ZC2HC1A: variants seen among roughly 807,000 people sequenced by gnomAD.
ZC2HC1A encodes zinc finger C2HC-type containing 1A, also known as zinc finger C2HC domain-containing protein 1A.
A neutral mutation model predicts 40.7 loss-of-function variants in ZC2HC1A; 28 were observed. The ratio of observed to expected loss-of-function variants is 0.69; its 90% CI spans 0.51 to 0.94. The LOEUF (loss-of-function observed/expected upper bound fraction) is 0.94, where lower values mean the gene tolerates loss of function less well. Among genes scored for constraint, ZC2HC1A ranks in the 40% least tolerant of loss-of-function variants. ZC2HC1A has a pLI of 0.00. For missense variants in ZC2HC1A, 389 were observed against 386.3 expected, an observed-to-expected ratio of 1.01 and a Z score of -0.06; for synonymous variants, 129 against 129.2, an observed-to-expected ratio of 1.00 and a Z score of 0.01.
At chr8:78,676,815 C>CA (rs954471923) in intron 2 of ZC2HC1A, among the ~76,000 whole-genome samples, 45 of 149,972 alleles carry the variant, frequency 3.0e-4, no homozygotes, top group African/African-American at 8.1e-4. Context: ...AATTTCACAG[C>CA]AAAAAAAAAG....
chr8:78,687,849 TTATA>T (rs919187168), intron 4 of ZC2HC1A, among the ~76,000 whole-genome samples: 2 of 88,018 alleles, frequency 2.3e-5, no homozygotes, highest in African/African-American at 5.9e-5. Context: ...ATATATATAT[TTATA>T]TAATATATAT....
chr8:78,716,154 G>A (rs1811094481), intron 8 of ZC2HC1A, among the ~76,000 whole-genome samples: 2 of 149,252 alleles, frequency 1.3e-5, no homozygotes, highest in Admixed American at 6.7e-5. Flanking sequence ...ACGGAGTCTC[G>A]CTCTGTCGCT....
intron 6 of ZC2HC1A, among the ~76,000 whole-genome samples, chr8:78,698,074 T>G (rs567619719): frequency 4.6e-5 from 7 of 152,222 alleles, no homozygotes; most frequent in Non-Finnish European, 8.8e-5. Context: ...CTTCCTTGAT[T>G]CTTTGATCCA....
At chr8:78,685,283 C>A (rs1294440507) in intron 3 of ZC2HC1A, among the ~76,000 whole-genome samples, 2 of 151,988 alleles carry the variant, frequency 1.3e-5, no homozygotes, top group Non-Finnish European at 2.9e-5. Flanking sequence ...AAATTTGATT[C>A]AATTTGTCAC....
rs1441322642 is a variant in ZC2HC1A at position 78,689,487 on chromosome 8, GATAT to G, written c.504+118_504+121del. 6 of 953,878 alleles carry G rather than the reference GATAT, an allele frequency of 6.3e-6. No homozygotes were observed. The Admixed American group carries it at 2.2e-4, about 34-fold the overall frequency. The allele number at this position is 953,878 out of a possible 1,614,324, so 59.1% of individuals were successfully genotyped here. A position where few individuals can be genotyped will look rare whatever the true frequency, so the allele number is the denominator to read the frequency against. On this transcript the variant is annotated intron_variant, in intron 5 of 8. Coordinates refer to ENST00000263849, the MANE Select transcript of ZC2HC1A (RefSeq NM_016010.3). ...TATATTTTTCTCACCTGCTTTTATA[GATAT>G]ATAGTTTTATATATCTATAAAAGTT...
At chr8:78,703,287 T>C (rs955727650) in intron 7 of ZC2HC1A, among the ~76,000 whole-genome samples, 7 of 152,150 alleles carry the variant, frequency 4.6e-5, no homozygotes, top group Admixed American at 1.3e-4. Context: ...ATCTATCAGG[T>C]CCATTTGATC....
chr8:78,690,140 G>T (rs758524638), intron 5 of ZC2HC1A, among the ~76,000 whole-genome samples: 1 of 152,154 alleles, frequency 6.6e-6, no homozygotes, highest in African/African-American at 2.4e-5. Flanking sequence ...AGGACATGCT[G>T]TTCTGTTCCA....
chr8:78,715,432 C>T (rs987003064), intron 8 of ZC2HC1A, 104 bp downstream of exon 8: 2 of 1,089,404 alleles, frequency 1.8e-6, no homozygotes, highest in Non-Finnish European at 1.3e-6. Context: ...TATAGAAAAC[C>T]TGATTTTTTT....
chr8:78,687,879 ATATT>A (rs929106629), intron 4 of ZC2HC1A, among the ~76,000 whole-genome samples: 1 of 130,974 alleles, frequency 7.6e-6, no homozygotes, highest in Non-Finnish European at 1.6e-5. Flanking sequence ...TAATAAATAT[ATATT>A]TATATAATAA....
chr8:78,666,300 G>A, intron 1 of ZC2HC1A, 136 bp downstream of exon 1: 1 of 1,435,590 alleles, frequency 7.0e-7, no homozygotes, highest in Non-Finnish European at 9.5e-7. Flanking sequence ...GCCTCCGGAG[G>A]CTGGGGCCGA....
chr8:78,671,519 G>C (rs1809438104), intron 1 of ZC2HC1A, among the ~76,000 whole-genome samples: 1 of 152,156 alleles, frequency 6.6e-6, no homozygotes, highest in Non-Finnish European at 1.5e-5. Flanking sequence ...GGTTAGTGGA[G>C]ATTGCCTGCA....
At chr8:78,689,979 G>A (rs1274020151) in intron 5 of ZC2HC1A, among the ~76,000 whole-genome samples, 1 of 152,162 alleles carries the variant, frequency 6.6e-6, no homozygotes, top group Non-Finnish European at 1.5e-5. Flanking sequence ...TTTGTGTATA[G>A]TGTGAAGTAA....
intron 7 of ZC2HC1A, among the ~76,000 whole-genome samples, chr8:78,702,941 G>A (rs189312747): frequency 3.3e-5 from 5 of 152,188 alleles, no homozygotes; most frequent in African/African-American, 1.2e-4. Flanking sequence ...CTGTCGCCCA[G>A]GCTATAGTGC....
chr8:78,696,352 A>G (rs1220594430), intron 5 of ZC2HC1A, among the ~76,000 whole-genome samples: 1 of 152,144 alleles, frequency 6.6e-6, no homozygotes, highest in Non-Finnish European at 1.5e-5. Context: ...CCAATTTTTC[A>G]CATGAAATCT....
At chr8:78,708,274 A>C (rs1036194167) in intron 7 of ZC2HC1A, among the ~76,000 whole-genome samples, 2 of 152,228 alleles carry the variant, frequency 1.3e-5, no homozygotes, top group African/African-American at 4.8e-5. Flanking sequence ...TCTTTATTGT[A>C]GTCCACTTTA....
chr8:78,690,119 G>A (rs1301851295), intron 5 of ZC2HC1A, among the ~76,000 whole-genome samples: 1 of 152,142 alleles, frequency 6.6e-6, no homozygotes, highest in Non-Finnish European at 1.5e-5. Flanking sequence ...ATAAATGTAT[G>A]GGTTTATTTC....
intron 7 of ZC2HC1A, among the ~76,000 whole-genome samples, chr8:78,702,225 C>A (rs1307606746): frequency 1.3e-5 from 2 of 152,052 alleles, no homozygotes; most frequent in African/African-American, 2.4e-5. Flanking sequence ...AGGAATTTAT[C>A]CATTTCTTCT....
At chr8:78,666,225 C>G (rs1809292729) in intron 1 of ZC2HC1A, 61 bp downstream of exon 1, 2 of 1,554,530 alleles carry the variant, frequency 1.3e-6, no homozygotes, top group South Asian at 1.2e-5. Flanking sequence ...GCTGGGGACC[C>G]TGGACACCAG....
rs919887370 is a variant in ZC2HC1A, at chr8:78,718,518, T to C, written c.*1025T>C. 6.6e-6 allele frequency: 1 copy of C among 151,930 alleles called. No homozygotes were observed. The highest frequency in any genetic ancestry group is 2.4e-5 in the African/African-American group (1 of 41,456). 9.4% of individuals were successfully genotyped at this position (151,930 alleles called of 1,614,324 possible). On this transcript the variant is annotated 3_prime_UTR_variant, in exon 9 of 9. Transcript: ENST00000263849. ...TATTTGAATTTTTTTTTCTTGGAAGTACATGTAGTTATGAGTAGGTTAAGA... is the reference window on the plus strand; with the variant it reads ...TATTTGAATTTTTTTTTCTTGGAAGCACATGTAGTTATGAGTAGGTTAAGA...
Sources: allele counts gnomAD v4.1 joint callset (sites outside exome capture counted in the v4.1 genomes callset), GRCh38; gene constraint gnomAD v4.1.1; transcripts MANE v1.5; gene names NCBI Gene and HGNC (gene_info 2026-07-23, HGNC 2026-07-21).